CD34: variants seen among roughly 807,000 people sequenced by gnomAD.
The protein encoded by CD34 is CD34 molecule, also known as hematopoietic progenitor cell antigen CD34.
CD34 carries 34 observed loss-of-function variants against 40.1 expected under a neutral mutation model. The observed-to-expected ratio is 0.85, with a 90% CI of 0.65 to 1.13. The LOEUF (loss-of-function observed/expected upper bound fraction) is 1.13, where lower values mean the gene tolerates loss of function less well. Ranked by LOEUF, CD34 falls within the 50% of genes most tolerant of loss-of-function variation. The pLI, the probability that CD34 is intolerant of heterozygous loss-of-function variation, is 0.00. For synonymous variants in CD34, 209 were observed against 190.0 expected, an observed-to-expected ratio of 1.10 and a Z score of -0.82; for missense variants, 426 against 466.9, an observed-to-expected ratio of 0.91 and a Z score of 0.81.
chr1:207,894,521 A>C (rs1662109899), intron 4 of CD34, among the ~76,000 whole-genome samples: 3 of 152,228 alleles, frequency 2.0e-5, no homozygotes, highest in African/African-American at 7.2e-5. Flanking sequence ...AAAGTGGTTA[A>C]GGTGATGACT....
chr1:207,899,199 G>C lies in CD34; in HGVS notation c.290C>G (p.Ser97Cys), dbSNP rs1662218494. The change falls in exon 3 of 8, where the codon TCT becomes TGT. Residue 97 changes from serine to cysteine, a missense_variant. Ser to Cys is a moderately radical substitution (Grantham distance 112). Coordinates refer to ENST00000310833, the MANE Select transcript of CD34 (RefSeq NM_001025109.2). ...TETTVKFTST[S>C]VITSVYGNTN... is the part of the protein sequence containing the mutation. ...GTTTCCATAAACTGAGGTTATCACA[G>C]AGGTAGATGTGAATTTGACTGTCGT... 1 of 1,614,050 alleles carries C rather than the reference G, an allele frequency of 6.2e-7. No homozygotes were observed. The highest frequency in any genetic ancestry group is 1.7e-5 in the Admixed American group (1 of 60,012).
At chr1:207,906,841 T>C (rs1558123747) in intron 1 of CD34, among the ~76,000 whole-genome samples, 1 of 128,900 alleles carries the variant, frequency 7.8e-6, no homozygotes, top group Admixed American at 9.2e-5. Flanking sequence ...AGAAACTTCT[T>C]CTCAAATAAA....
intron 1 of CD34, 133 bp downstream of exon 1, chr1:207,910,869 G>T: frequency 2.3e-6 from 2 of 885,390 alleles, no homozygotes; most frequent in African/African-American, 1.7e-5. Context: ...GGAAGCAGCT[G>T]TGGGCGGCAG....
Position 207,889,167 on chromosome 1 carries a change from C to T in CD34, c.801G>A (p.Leu267=). ...ATCATCTCAGAGGACTTACCTTTTT[C>T]AGGTCAGATTGGTGCTTTTTCATAA... The part of the protein sequence containing the change: ...LQLMKKHQSD[L]KKLGILDFTE... Residue 267 remains leucine, a synonymous_variant, in exon 6 of 8, where the codon CTG becomes CTA. Transcript: ENST00000310833. The T allele has an allele frequency of 6.3e-7, 1 of 1,578,850 alleles. No homozygotes were observed. The highest frequency in any genetic ancestry group is 8.7e-7 in the Non-Finnish European group (1 of 1,147,704).
At chr1:207,902,648 G>A (rs2745956) in intron 1 of CD34, among the ~76,000 whole-genome samples, 5,611 of 152,264 alleles carry the variant, frequency 0.037, 162 homozygotes, top group Non-Finnish European at 0.054. Context: ...GGTCCACCCT[G>A]GCCCAGCCCT....
At chr1:207,897,982 CT>C (rs1662184883) in intron 3 of CD34, among the ~76,000 whole-genome samples, 1 of 152,088 alleles carries the variant, frequency 6.6e-6, no homozygotes, top group Non-Finnish European at 1.5e-5. Context: ...GCTGGGGTAC[CT>C]GTTTTTTCTC....
In CD34 at chr1:207,882,244, A is replaced by G. The variant is rs532853240; in HGVS notation, c.*5494T>C. ...ACCAGGGTGGTATCAGCAGAGATCT[A>G]CTGGGAAGCCTGAACTTCTAACCTG... On this transcript the variant is annotated 3_prime_UTR_variant, in exon 8 of 8. Transcript: ENST00000310833. The G allele has an allele frequency of 5.3e-4, 81 of 152,414 alleles. No individual in the cohort carries two copies. Among genetic ancestry groups the G allele is most frequent in the African/African-American group, 1.6e-3 (68 of 41,586 alleles). The allele number at this position is 152,414 out of a possible 1,614,324, so 9.4% of individuals were successfully genotyped here.
At chr1:207,888,308 T>C (rs1337937393) in intron 7 of CD34, among the ~76,000 whole-genome samples, 1 of 152,198 alleles carries the variant, frequency 6.6e-6, no homozygotes, top group African/African-American at 2.4e-5. Context: ...GGATTCTCCT[T>C]CCGTATACCT....
rs1365931646 is a variant in CD34, at chr1:207,889,564, G to T, written c.655C>A (p.Gln219Lys). Residue 219 changes from glutamine to lysine, a missense_variant, in exon 5 of 8, where the codon CAG becomes AAG. Transcript: ENST00000310833. ...GLARVLCGEE[Q>K]ADADAGAQVC... ...TGGGCCCCAGCATCAGCATCAGCCT[G>T]CTCCTCCCCACACAGCACTCGGGCC... 1 of 1,614,134 alleles carries T rather than the reference G, an allele frequency of 6.2e-7. No homozygotes were observed.
At chr1:207,902,254 G>C (rs540345934) in intron 1 of CD34, among the ~76,000 whole-genome samples, 3 of 152,208 alleles carry the variant, frequency 2.0e-5, no homozygotes, top group Non-Finnish European at 4.4e-5. Context: ...AGTTCATGAA[G>C]GGAAGCAGCA....
In CD34 at chr1:207,900,252, C is replaced by T. The variant is rs148127893; in HGVS notation, c.80-249G>A. ...TACAGTATTATTTATAGGAGGGAAA[C>T]GTGAACAACTAAATGAATTATGATA... On this transcript the variant is annotated intron_variant, in intron 1 of 7. Coordinates refer to ENST00000310833, the MANE Select transcript of CD34 (RefSeq NM_001025109.2). 2.2e-4 allele frequency among the ~76,000 whole-genome samples: 33 copies of T among 152,100 alleles called. No individual in the cohort carries two copies. The East Asian group carries it at 3.3e-3, about 15-fold the overall frequency.
At chr1:207,888,240 G>T (rs1055583344) in intron 7 of CD34, 3 of 989,250 alleles carry the variant, frequency 3.0e-6, no homozygotes, top group Non-Finnish European at 4.8e-6. Flanking sequence ...TAGGGGACAG[G>T]CCAGAGGCCA....
rs979453471 is a variant in CD34 at position 207,911,018 on chromosome 1, G to A, written c.63C>T (p.Cys21=). 14 of 1,591,856 alleles carry A rather than the reference G, an allele frequency of 8.8e-6. No homozygotes were observed. Among genetic ancestry groups the A allele is most frequent in the Non-Finnish European group, 1.1e-5 (13 of 1,172,222 alleles). Residue 21 remains cysteine, a synonymous_variant, in exon 1 of 8, where the codon TGC becomes TGT. Coordinates refer to ENST00000310833, the MANE Select transcript of CD34 (RefSeq NM_001025109.2). Reference sequence around the variant, plus strand: ...GGTACTCACGCAGCAAACTCAGCAAGCAAAGCGCGGTCCAGCCCCGCGGCA... The same window carrying A: ...GGTACTCACGCAGCAAACTCAGCAAACAAAGCGCGGTCCAGCCCCGCGGCA... ...PRMPRGWTAL[C]LLSLLPSGFM...
chr1:207,900,617 C>T (rs1662254916), intron 1 of CD34, among the ~76,000 whole-genome samples: 1 of 152,192 alleles, frequency 6.6e-6, no homozygotes, highest in African/African-American at 2.4e-5. Context: ...CCCATACTCC[C>T]CTCATCCTTT....
At chr1:207,896,479 A>G (rs1662151167) in intron 4 of CD34, among the ~76,000 whole-genome samples, 1 of 152,214 alleles carries the variant, frequency 6.6e-6, no homozygotes, top group Non-Finnish European at 1.5e-5. Context: ...TCAACTAAAA[A>G]GCTCCTAGAA....
intron 4 of CD34, among the ~76,000 whole-genome samples, chr1:207,895,761 CACAGCAAA>C (rs1662137977): frequency 6.6e-6 from 1 of 152,190 alleles, no homozygotes; most frequent in Non-Finnish European, 1.5e-5. Context: ...CTGTGTGATA[CACAGCAAA>C]ATGTATGCTC....
At chr1:207,900,809 T>C (rs936222297) in intron 1 of CD34, among the ~76,000 whole-genome samples, 1 of 152,200 alleles carries the variant, frequency 6.6e-6, no homozygotes, top group Non-Finnish European at 1.5e-5. Context: ...CATGTATGTA[T>C]CTCAGCTCTC....
intron 4 of CD34, among the ~76,000 whole-genome samples, chr1:207,892,687 A>G (rs1662062961): frequency 6.6e-6 from 1 of 152,120 alleles, no homozygotes; most frequent in South Asian, 2.1e-4. Flanking sequence ...CTTATATACC[A>G]TATCATCTAG....
intron 4 of CD34, among the ~76,000 whole-genome samples, chr1:207,891,030 C>T (rs1341165926): frequency 6.6e-6 from 1 of 152,136 alleles, no homozygotes; most frequent in Non-Finnish European, 1.5e-5. Context: ...AGCACCCCCG[C>T]TCCCCAGCAC....
Sources: allele counts gnomAD v4.1 joint callset (sites outside exome capture counted in the v4.1 genomes callset), GRCh38; gene constraint gnomAD v4.1.1; transcripts MANE v1.5; gene names NCBI Gene and HGNC (gene_info 2026-07-23, HGNC 2026-07-21).